CNTNAP2: variants seen among roughly 807,000 people sequenced by gnomAD.
CNTNAP2 encodes the protein contactin-associated protein-like 2.
A neutral mutation model predicts 155.2 loss-of-function variants in CNTNAP2; 98 were observed. The observed-to-expected ratio is 0.63, with a 90% CI of 0.54 to 0.75. The LOEUF (loss-of-function observed/expected upper bound fraction) is 0.75. Ranked by LOEUF, CNTNAP2 falls within the 30% of genes least tolerant of loss-of-function variation. The pLI, the probability that CNTNAP2 is intolerant of heterozygous loss-of-function variation, is 0.00. For missense variants in CNTNAP2, 1,727 were observed against 1,688.1 expected (o/e 1.02, Z -0.40); for synonymous variants, 651 against 631.2 (o/e 1.03, Z -0.47).
chr7:146,875,874 T>A (rs1795410520), intron 3 of CNTNAP2, among the ~76,000 whole-genome samples: 2 of 127,520 alleles, frequency 1.6e-5, no homozygotes, highest in Non-Finnish European at 3.1e-5. Context: ...AGGGAGACCT[T>A]ATCTTAAACA....
At chr7:146,318,051 G>T (rs2129091861) in intron 1 of CNTNAP2, among the ~76,000 whole-genome samples, 1 of 151,576 alleles carries the variant, frequency 6.6e-6, no homozygotes, top group East Asian at 1.9e-4. Flanking sequence ...TGAGGCAGGA[G>T]AATCGCTTGA....
intron 20 of CNTNAP2, chr7:148,263,338 A>G (rs1273367121): frequency 1.3e-5 from 2 of 152,208 alleles, no homozygotes; most frequent in African/African-American, 4.8e-5. Flanking sequence ...AGTGTTCATT[A>G]TGTTTTTTAG....
intron 4 of CNTNAP2, among the ~76,000 whole-genome samples, chr7:147,088,999 A>G (rs1277267614): frequency 6.7e-6 from 1 of 149,692 alleles, no homozygotes; most frequent in African/African-American, 2.6e-5. Flanking sequence ...AGACAGAGAG[A>G]TAGAGAGAGA....
chr7:146,427,416 C>G (rs1021670079), intron 1 of CNTNAP2, among the ~76,000 whole-genome samples: 1 of 152,162 alleles, frequency 6.6e-6, no homozygotes, highest in African/African-American at 2.4e-5. Flanking sequence ...TTCAATAAAG[C>G]TTTATTATGA....
At chr7:148,019,835 GGA>G (rs1387039240) in intron 15 of CNTNAP2, among the ~76,000 whole-genome samples, 1 of 152,066 alleles carries the variant, frequency 6.6e-6, no homozygotes, top group Non-Finnish European at 1.5e-5. Context: ...CACTCAGGCT[GGA>G]GTGTAATGGC....
chr7:146,743,574 C>CT (rs559237602), intron 1 of CNTNAP2, among the ~76,000 whole-genome samples: 3,130 of 145,688 alleles, frequency 0.021, 63 homozygotes, highest in Non-Finnish European at 0.029. Context: ...TATGCAGTGA[C>CT]TTTTTTTTTT....
chr7:146,186,115 C>G (rs1352339774), intron 1 of CNTNAP2, among the ~76,000 whole-genome samples: 1 of 152,064 alleles, frequency 6.6e-6, no homozygotes, highest in Non-Finnish European at 1.5e-5. Flanking sequence ...AAAACAAACC[C>G]TCTCAATCCC....
intron 13 of CNTNAP2, among the ~76,000 whole-genome samples, chr7:147,791,861 T>C (rs1797825162): frequency 6.6e-6 from 1 of 152,206 alleles, no homozygotes; most frequent in Non-Finnish European, 1.5e-5. Context: ...AAGTCAGGCT[T>C]CAGCGAAAGG....
intron 1 of CNTNAP2, among the ~76,000 whole-genome samples, chr7:146,712,749 A>T (rs1184240105): frequency 6.6e-6 from 1 of 151,768 alleles, no homozygotes; most frequent in Non-Finnish European, 1.5e-5. Context: ...AACATGCTTC[A>T]TTTTCATATC....
intron 2 of CNTNAP2, among the ~76,000 whole-genome samples, chr7:146,824,721 G>A (rs1033417696): frequency 6.6e-6 from 1 of 151,964 alleles, no homozygotes; most frequent in Non-Finnish European, 1.5e-5. Context: ...GTTATAATAT[G>A]TTACTTAAAG....
intron 1 of CNTNAP2, among the ~76,000 whole-genome samples, chr7:146,428,651 C>A (rs1796128592): frequency 6.6e-6 from 1 of 151,056 alleles, no homozygotes; most frequent in Non-Finnish European, 1.5e-5. Flanking sequence ...GTATATTAGA[C>A]CTTTGTCAGA....
intron 16 of CNTNAP2, among the ~76,000 whole-genome samples, chr7:148,130,037 G>T (rs1804799050): frequency 6.6e-6 from 1 of 152,110 alleles, no homozygotes; most frequent in South Asian, 2.1e-4. Context: ...GCTAACTAAG[G>T]AGCCATCAGA....
chr7:146,872,444 C>G (rs1385962165), intron 3 of CNTNAP2, among the ~76,000 whole-genome samples: 2 of 152,120 alleles, frequency 1.3e-5, no homozygotes, highest in Non-Finnish European at 2.9e-5. Context: ...AGGAGAATTT[C>G]TAGAGGGTGG....
chr7:147,584,763 A>G (rs1480097029), intron 12 of CNTNAP2, among the ~76,000 whole-genome samples: 3 of 152,196 alleles, frequency 2.0e-5, no homozygotes, highest in African/African-American at 7.2e-5. Context: ...TGCTGCTGAG[A>G]AAGAAACAGC....
chr7:146,997,007 A>G (rs531420980), intron 3 of CNTNAP2, among the ~76,000 whole-genome samples: 5 of 152,052 alleles, frequency 3.3e-5, no homozygotes, highest in South Asian at 2.1e-4. Flanking sequence ...AGTGACTTTT[A>G]CCTTCCACCA....
chr7:146,816,260 C>G (rs145453448), intron 2 of CNTNAP2, among the ~76,000 whole-genome samples: 1 of 152,112 alleles, frequency 6.6e-6, no homozygotes, highest in African/African-American at 2.4e-5. Context: ...CAATGTGAGT[C>G]TGATAGTCAC....
At chr7:147,994,150 G>T (rs905881311) in intron 15 of CNTNAP2, among the ~76,000 whole-genome samples, 10 of 151,966 alleles carry the variant, frequency 6.6e-5, no homozygotes, top group Middle Eastern at 3.2e-3. Flanking sequence ...TGGGAGGATT[G>T]CTTGAGCCCC....
chr7:147,502,220 A>T (rs945555154), intron 11 of CNTNAP2, among the ~76,000 whole-genome samples: 2 of 152,226 alleles, frequency 1.3e-5, no homozygotes, highest in African/African-American at 4.8e-5. Flanking sequence ...ATAGAAAAAA[A>T]AATCCTAAAA....
At chr7:147,062,913 G>A (rs981689802) in intron 4 of CNTNAP2, among the ~76,000 whole-genome samples, 4 of 152,186 alleles carry the variant, frequency 2.6e-5, no homozygotes, top group African/African-American at 9.7e-5. Flanking sequence ...TCCAGAAGGA[G>A]TTGCCTTCAA....
Sources: gnomAD v4.1 joint callset for allele counts (sites outside exome capture counted in the v4.1 genomes callset) on GRCh38, gnomAD v4.1.1 for gene constraint, MANE v1.5 for transcripts, NCBI Gene and HGNC (gene_info 2026-07-23, HGNC 2026-07-21) for gene names.